HMCN2: variants seen among roughly 807,000 people sequenced by gnomAD.
The protein encoded by HMCN2 is hemicentin 2.
HMCN2 carries 325 observed loss-of-function variants against 377.5 expected under a neutral mutation model. That is an observed-to-expected ratio of 0.86 (90% CI 0.79 to 0.94). HMCN2 has a LOEUF of 0.94. Ranked by LOEUF, HMCN2 falls within the 40% of genes least tolerant of loss-of-function variation. The pLI is 0.00. For missense variants in HMCN2, 4,543 were observed against 4,725.3 expected, an observed-to-expected ratio of 0.96 and a Z score of 1.13; for synonymous variants, 2,007 against 2,046.8, an observed-to-expected ratio of 0.98 and a Z score of 0.53.
chr9:130,423,681 G>A lies in HMCN2; in HGVS notation c.13381+955G>A, dbSNP rs1844147836. 6.6e-6 allele frequency among the ~76,000 whole-genome samples: 1 copy of A among 152,198 alleles called. No homozygotes were observed. Among genetic ancestry groups the A allele is most frequent in the South Asian group, 2.1e-4 (1 of 4,822 alleles). On this transcript the variant is annotated intron_variant, in intron 87 of 97. Transcript: ENST00000683500. The surrounding 1 kb of genome is among the most constrained non-coding windows in gnomAD (Gnocchi z 5.5). ...CCTGACTCAGAGCAAGTGGGGAGCG[G>A]GTGTGTTCCCCTTGCCCAGTCCATG...
At chr9:130,335,717 C>G (rs1249194768) in intron 22 of HMCN2, among the ~76,000 whole-genome samples, 1 of 152,018 alleles carries the variant, frequency 6.6e-6, no homozygotes, top group East Asian at 1.9e-4. Flanking sequence ...AGATGGCGTC[C>G]TTGGCTCGAG....
At chr9:130,289,906 G>T (rs1322051070) in intron 4 of HMCN2, among the ~76,000 whole-genome samples, 3 of 152,192 alleles carry the variant, frequency 2.0e-5, no homozygotes, top group Non-Finnish European at 2.9e-5. Context: ...TGCCTCGGGG[G>T]CCCATTCGCC....
chr9:130,363,105 C>A, intron 40 of HMCN2, 115 bp downstream of exon 40: 1 of 826,718 alleles, frequency 1.2e-6, no homozygotes, highest in Non-Finnish European at 1.5e-6. Context: ...GAGTGTCCAC[C>A]TGAGAACAGC....
At chr9:130,381,623 C>A (rs775770583) in intron 54 of HMCN2, among the ~76,000 whole-genome samples, 1 of 152,162 alleles carries the variant, frequency 6.6e-6, no homozygotes, top group Non-Finnish European at 1.5e-5. Context: ...CCTGCCTTGG[C>A]CTCCCAAAGT....
Position 130,421,825 on chromosome 9 carries a change from C to T in HMCN2, c.13232-752C>T, listed in dbSNP as rs111236622. On this transcript the variant is annotated intron_variant, in intron 86 of 97. Coordinates refer to ENST00000683500, the MANE Select transcript of HMCN2 (RefSeq NM_001291815.2). ...GCCCCTTGATTCATCCATTTAGGAT[C>T]CTAGCACTTGAGTGTTTTATGTTAT... Among the ~76,000 whole-genome samples, 1,207 of 152,322 alleles carry T rather than the reference C, an allele frequency of 7.9e-3. 5 individuals carry two copies. The highest frequency in any genetic ancestry group is 0.013 in the Non-Finnish European group (896 of 68,030).
chr9:130,389,056 G>T (rs1458567480), intron 62 of HMCN2, among the ~76,000 whole-genome samples: 2 of 152,168 alleles, frequency 1.3e-5, no homozygotes, highest in Non-Finnish European at 2.9e-5. Context: ...TCTCACGCAG[G>T]CTCCACGTGG....
chr9:130,283,778 G>T (rs1554926580), intron 1 of HMCN2, among the ~76,000 whole-genome samples: 1 of 152,160 alleles, frequency 6.6e-6, no homozygotes, highest in Admixed American at 6.5e-5. Context: ...GGACAACCTG[G>T]TTCTGTGAAT....
chr9:130,378,978 G>C (rs575184834), intron 53 of HMCN2, among the ~76,000 whole-genome samples: 1 of 152,282 alleles, frequency 6.6e-6, no homozygotes, highest in African/African-American at 2.4e-5. Flanking sequence ...TTCCAACTGT[G>C]AAAAATATTT....
At chr9:130,285,366 G>A (rs1281311542) in intron 3 of HMCN2, 50 bp downstream of exon 3, 9 of 464,212 alleles carry the variant, frequency 1.9e-5, no homozygotes, top group South Asian at 6.3e-5. Context: ...CGGGGGTCCC[G>A]AGGAAGCTGG....
At chr9:130,309,246 A>G (rs1216058033) in intron 14 of HMCN2, among the ~76,000 whole-genome samples, 5 of 151,960 alleles carry the variant, frequency 3.3e-5, no homozygotes, top group African/African-American at 9.7e-5. Flanking sequence ...AGGCGTGGTG[A>G]CTCACGCCTG....
chr9:130,396,963 A>G (rs763132414), intron 73 of HMCN2, among the ~76,000 whole-genome samples: 2 of 152,070 alleles, frequency 1.3e-5, no homozygotes, highest in African/African-American at 4.8e-5. Flanking sequence ...CATCTTTCCA[A>G]TGTTGGCTTG....
chr9:130,380,708 G>GCC (rs546441694), intron 54 of HMCN2, among the ~76,000 whole-genome samples: 60 of 151,214 alleles, frequency 4.0e-4, no homozygotes, highest in African/African-American at 1.4e-3. Context: ...AATCCCTTAA[G>GCC]CCCAGGAGGT....
chr9:130,276,319 A>G (rs1554923104), intron 1 of HMCN2, among the ~76,000 whole-genome samples: 1 of 150,848 alleles, frequency 6.6e-6, no homozygotes, highest in Non-Finnish European at 1.5e-5. Context: ...TAGGCATCTC[A>G]TCACAGCTGT....
chr9:130,416,167 C>T (rs960121686), intron 85 of HMCN2, among the ~76,000 whole-genome samples: 2 of 147,998 alleles, frequency 1.4e-5, no homozygotes, highest in East Asian at 2.0e-4. Context: ...TGCAGTGGCG[C>T]GATCTCGGCT....
At position 130,360,591 on chromosome 9, in the gene HMCN2, C is replaced by A; in HGVS notation, c.5937C>A (p.Gly1979=). The change falls in exon 38 of 98, where the codon GGC becomes GGA. Residue 1979 remains glycine (G), a synonymous_variant. Transcript: ENST00000683500. The surrounding 1 kb of genome is among the most constrained non-coding windows in gnomAD (Gnocchi z 4.7). ...NVAGSTELRY[G]LRVNVPPRIT... ...CAGGTAGCACAGAGCTGCGGTATGG[C>A]CTACGGGTCAATGGTGAGCTTCCCT... 1.5e-6 allele frequency: 2 copies of A among 1,297,606 alleles called. No homozygotes were observed. The highest frequency in any genetic ancestry group is 2.0e-6 in the Non-Finnish European group (2 of 984,994). 80.4% of individuals were successfully genotyped at this position (1,297,606 alleles called of 1,614,324 possible).
At position 130,383,573 on chromosome 9, in the gene HMCN2, GAGA is replaced by G; in HGVS notation, c.8806_8808del (p.Lys2936del). The G allele has an allele frequency of 2.0e-6, 2 of 986,012 alleles. No individual in the cohort carries two copies. 61.1% of individuals were successfully genotyped at this position (986,012 alleles called of 1,614,324 possible). A position where few individuals can be genotyped will look rare whatever the true frequency, so the allele number is the denominator to read the frequency against. ...GGCCGAGAACCAGGCGGGCTCCGCT[GAGA>G]AGCTCTTCACCCTCAGGGTTCAAGG... On this transcript the variant is annotated inframe_deletion, in exon 57 of 98. Coordinates refer to ENST00000683500, the MANE Select transcript of HMCN2 (RefSeq NM_001291815.2).
At chr9:130,348,962 C>T (rs1227993929) in intron 27 of HMCN2, 22 bp from the exon 28 acceptor site, 5 of 1,299,594 alleles carry the variant, frequency 3.8e-6, no homozygotes, top group South Asian at 1.2e-5. Flanking sequence ...CTTACTGGCT[C>T]CCTCTGGCCT....
intron 91 of HMCN2, 23 bp downstream of exon 91, chr9:130,427,398 T>C (rs1308013121): frequency 6.4e-6 from 10 of 1,550,392 alleles, no homozygotes; most frequent in African/African-American, 1.4e-5. Flanking sequence ...AACCCTGGCA[T>C]GGATGTGGGA....
intron 11 of HMCN2, 84 bp from the exon 12 acceptor site, chr9:130,306,045 G>C (rs1397307920): frequency 2.3e-6 from 1 of 443,102 alleles, no homozygotes; most frequent in Non-Finnish European, 4.8e-6. Context: ...GACTATGGGA[G>C]GGGAAGAGCC....
Sources: gnomAD v4.1 joint callset for allele counts (sites outside exome capture counted in the v4.1 genomes callset) on GRCh38, gnomAD v4.1.1 for gene constraint, Gnocchi (gnomAD v3.1) non-coding constraint, MANE v1.5 for transcripts, NCBI Gene and HGNC (gene_info 2026-07-23, HGNC 2026-07-21) for gene names.